Variants in NOM1 observed in about 807,000 individuals in gnomAD.
The protein encoded by NOM1 is nucleolar MIF4G domain-containing protein 1.
A neutral mutation model predicts 73.3 loss-of-function variants in NOM1; 58 were observed. The ratio of observed to expected loss-of-function variants is 0.79; its 90% CI spans 0.64 to 0.99. NOM1 has a LOEUF of 0.99. Ranked by LOEUF, NOM1 falls within the 50% of genes least tolerant of loss-of-function variation. NOM1 has a pLI of 0.00. For synonymous variants in NOM1, 487 were observed against 446.8 expected (o/e 1.09, Z -1.14); for missense variants, 1,226 against 1,131.9 (o/e 1.08, Z -1.19).
intron 3 of NOM1, among the ~76,000 whole-genome samples, chr7:156,958,331 C>T (rs895112515): frequency 2.6e-5 from 4 of 152,204 alleles, no homozygotes; most frequent in African/African-American, 9.7e-5. Context: ...ACAGATCCTT[C>T]AGCTTTTACA....
Position 156,959,963 on chromosome 7 carries a change from A to G in NOM1, c.1421A>G (p.Asn474Ser), listed in dbSNP as rs1415753055. 7 of 1,614,102 alleles carry G rather than the reference A, an allele frequency of 4.3e-6. No individual in the cohort carries two copies. The highest frequency in any genetic ancestry group is 1.3e-5 in the African/African-American group (1 of 75,032). Reference protein sequence around the residue: ...NLFTVIAHLYNFHVVQSLLIF... With the variant: ...NLFTVIAHLYSFHVVQSLLIF... Reference sequence around the variant, plus strand: ...TTCACCGTCATTGCCCATTTATACAACTTCCACGTGGTACAGTCTCTCCTC... The same window carrying G: ...TTCACCGTCATTGCCCATTTATACAGCTTCCACGTGGTACAGTCTCTCCTC... Residue 474 changes from asparagine to serine, a missense_variant, in exon 4 of 11, where the codon AAC becomes AGC. By Grantham distance (46) the Asn-to-Ser change is conservative. Coordinates refer to ENST00000275820, the MANE Select transcript of NOM1 (RefSeq NM_138400.2).
Position 156,969,822 on chromosome 7 carries a change from G to T in NOM1, c.*119G>T. On this transcript the variant is annotated 3_prime_UTR_variant, in exon 11 of 11. Transcript: ENST00000275820. ...TAGAGCTATATCATTGTCTGTTAAT[G>T]TATTATATTTTGAGATTTTTTTTGA... is the stretch of plus-strand genomic sequence containing the variant. 1.0e-6 allele frequency: 1 copy of T among 952,454 alleles called. No homozygotes were observed. Among genetic ancestry groups the T allele is most frequent in the South Asian group, 2.3e-5 (1 of 43,478 alleles). 59.0% of individuals were successfully genotyped at this position (952,454 alleles called of 1,614,324 possible).
At position 156,962,508 on chromosome 7, in the gene NOM1, G is replaced by A. The variant is rs142429805; in HGVS notation, c.1743+247G>A. On this transcript the variant is annotated intron_variant, in intron 5 of 10. Coordinates refer to ENST00000275820, the MANE Select transcript of NOM1 (RefSeq NM_138400.2). ...GCGAGCGTCCTCTTTGCCTCACCCC[G>A]GGTGCTAAACTTGGGCTGCACCATT... is the stretch of plus-strand genomic sequence containing the variant. 2.0e-5 allele frequency among the ~76,000 whole-genome samples: 3 copies of A among 152,152 alleles called. No homozygotes were observed. Among genetic ancestry groups the A allele is most frequent in the Admixed American group, 6.5e-5 (1 of 15,278 alleles).
chr7:156,962,155 G>A lies in NOM1; in HGVS notation c.1637G>A (p.Arg546Gln), dbSNP rs779298282. ...ATTTTTTCATTTTTCTTGAAGATTC[G>A]GTTTATGCTAGAGACGATGTTGGCC... ...GSEFQDQTRIRFMLETMLALK... is the reference protein window; with the variant it reads ...GSEFQDQTRIQFMLETMLALK... The change falls in exon 5 of 11, where the codon CGG becomes CAG. Residue 546 changes from arginine to glutamine, a missense_variant. By Grantham distance (43) the Arg-to-Gln change is conservative. Coordinates refer to ENST00000275820, the MANE Select transcript of NOM1 (RefSeq NM_138400.2). 21 of 1,613,318 alleles carry A rather than the reference G, an allele frequency of 1.3e-5. No individual in the cohort carries two copies. The East Asian group carries it at 1.6e-4, about 12-fold the overall frequency.
rs2134764825 is a variant in NOM1, at chr7:156,950,066, T to C, written c.329T>C (p.Leu110Pro). The change falls in exon 1 of 11, where the codon CTG (leucine) becomes CCG (proline). Residue 110 changes from leucine to proline, a missense_variant. Transcript: ENST00000275820. ...GCGGGCCCCGAACAGGGTCCCGGCC[T>C]GGGAGGCCGAAGCGGAGCCGAAGAA... ...RTAGPEQGPGLGGRSGAEEAS... is the reference protein window; with the variant it reads ...RTAGPEQGPGPGGRSGAEEAS... 1.3e-6 allele frequency: 2 copies of C among 1,543,904 alleles called. No homozygotes were observed.
chr7:156,953,707 A>T (rs185837830), intron 2 of NOM1, among the ~76,000 whole-genome samples: 1 of 152,314 alleles, frequency 6.6e-6, no homozygotes, highest in East Asian at 1.9e-4. Context: ...AGTGTTAGGA[A>T]CTAAGGATTT....
chr7:156,964,520 A>T (rs1240192137), intron 7 of NOM1, among the ~76,000 whole-genome samples: 2 of 152,158 alleles, frequency 1.3e-5, no homozygotes, highest in African/African-American at 2.4e-5. Context: ...AGACAGGAGG[A>T]TCACTTTAGC....
chr7:156,966,838 G>A (rs1805010468), intron 8 of NOM1, 123 bp from the exon 9 acceptor site: 1 of 1,071,448 alleles, frequency 9.3e-7, no homozygotes, highest in African/African-American at 1.6e-5. Flanking sequence ...ACCACTAAAA[G>A]TCTTGATGTT....
chr7:156,969,722 C>G lies in NOM1; in HGVS notation c.*19C>G. 1 of 1,591,216 alleles carries G rather than the reference C, an allele frequency of 6.3e-7. No homozygotes were observed. The highest frequency in any genetic ancestry group is 8.6e-7 in the Non-Finnish European group (1 of 1,167,506). On this transcript the variant is annotated 3_prime_UTR_variant, in exon 11 of 11. Transcript: ENST00000275820. ...AATGTAGTCAGGGAAGGAAGGAGGG[C>G]AGGTGGCCCTTTGACTGTAAAATGT...
chr7:156,966,870 AT>A, intron 8 of NOM1, 90 bp from the exon 9 acceptor site: 1 of 1,336,800 alleles, frequency 7.5e-7, no homozygotes, highest in Non-Finnish European at 1.0e-6. Flanking sequence ...AAATAAGATA[AT>A]AAGAAAATAC....
rs757785654 is a variant in NOM1, at chr7:156,954,319, C to T, written c.1308+21C>T. On this transcript the variant is annotated intron_variant, in intron 3 of 10. Transcript: ENST00000275820. The stretch of plus-strand genomic sequence containing the variant: ...TCGAGGTACAGTTGTACCTTTTCTC[C>T]AGGCTGTCACTAGTGTCTCATGGTG... 4 of 1,555,004 alleles carry T rather than the reference C, an allele frequency of 2.6e-6. No homozygotes were observed. In the South Asian group the frequency reaches 4.8e-5, roughly 19 times the overall value.
At chr7:156,967,446 C>T (rs530341330) in intron 9 of NOM1, among the ~76,000 whole-genome samples, 4 of 152,254 alleles carry the variant, frequency 2.6e-5, no homozygotes, top group South Asian at 2.1e-4. Context: ...AGTTTGCTCA[C>T]GTTGATGTAA....
intron 8 of NOM1, among the ~76,000 whole-genome samples, chr7:156,966,645 G>T (rs1189820807): frequency 6.6e-6 from 1 of 152,210 alleles, no homozygotes; most frequent in Non-Finnish European, 1.5e-5. Context: ...AGGCAGTGTG[G>T]CCAGGCCAGC....
chr7:156,962,268 C>A lies in NOM1; in HGVS notation c.1743+7C>A, dbSNP rs1804884539. Reference sequence around the variant, plus strand: ...GAAACTGCAGAGAGCTTTGGTGAGTCAAGGAACTTTCAATTCTGTTTTGCT... The same window carrying A: ...GAAACTGCAGAGAGCTTTGGTGAGTAAAGGAACTTTCAATTCTGTTTTGCT... On this transcript the variant is annotated splice_region_variant and intron_variant, in intron 5 of 10. Coordinates refer to ENST00000275820, the MANE Select transcript of NOM1 (RefSeq NM_138400.2). The A allele has an allele frequency of 1.2e-6, 2 of 1,604,654 alleles. No homozygotes were observed. Among genetic ancestry groups the A allele is most frequent in the East Asian group, 4.5e-5 (2 of 44,810 alleles).
intron 3 of NOM1, among the ~76,000 whole-genome samples, chr7:156,954,522 CTTTTTTT>C (rs34176770): frequency 2.0e-5 from 2 of 101,660 alleles, no homozygotes; most frequent in Admixed American, 1.1e-4. Flanking sequence ...TCTGTCCATT[CTTTTTTT>C]TTTTTTTTTT....
intron 1 of NOM1, among the ~76,000 whole-genome samples, chr7:156,952,133 G>T (rs943129991): frequency 6.6e-6 from 1 of 152,230 alleles, no homozygotes; most frequent in Non-Finnish European, 1.5e-5. Flanking sequence ...TGTGCCTGCA[G>T]TAAGTTAAGG....
Position 156,949,964 on chromosome 7 carries a change from C to T in NOM1, c.227C>T (p.Pro76Leu), listed in dbSNP as rs1174199236. 3.2e-6 allele frequency: 5 copies of T among 1,540,886 alleles called. No homozygotes were observed. Among genetic ancestry groups the T allele is most frequent in the East Asian group, 2.4e-5 (1 of 40,894 alleles). Residue 76 changes from proline to leucine, a missense_variant, in exon 1 of 11, where the codon CCG becomes CTG. By Grantham distance (98) the Pro-to-Leu change is moderately conservative (BLOSUM62 -3). Transcript: ENST00000275820. ...EGRGAPVSFR[P>L]GGRKSRKELR... Reference sequence around the variant, plus strand: ...CGCGGCGCCCCGGTGAGCTTTCGCCCGGGAGGGAGAAAAAGCCGTAAGGAA... The same window carrying T: ...CGCGGCGCCCCGGTGAGCTTTCGCCTGGGAGGGAGAAAAAGCCGTAAGGAA...
At position 156,971,453 on chromosome 7, in the gene NOM1, TC is replaced by T. The variant is rs1399083623; in HGVS notation, c.*1751del. 6.6e-6 allele frequency: 1 copy of T among 151,680 alleles called. No individual in the cohort carries two copies. Among genetic ancestry groups the T allele is most frequent in the Non-Finnish European group, 1.5e-5 (1 of 67,760 alleles). The allele number at this position is 151,680 out of a possible 1,614,324, so 9.4% of individuals were successfully genotyped here. On this transcript the variant is annotated 3_prime_UTR_variant, in exon 11 of 11. Coordinates refer to ENST00000275820, the MANE Select transcript of NOM1 (RefSeq NM_138400.2). ...CCCAGGCCAGAGTGCAGTGGCACGA[TC>T]ATAGTTACCGCAGCATCAAATTCCT...
rs915010894 is a variant in NOM1 at position 156,970,033 on chromosome 7, A to G, written c.*330A>G. On this transcript the variant is annotated 3_prime_UTR_variant, in exon 11 of 11. Transcript: ENST00000275820. ...CCGAGCGTGATGGCTCACCCCTGTA[A>G]TCCCAGCACTTTGTGAGGCCAAGGT... The G allele has an allele frequency of 1.9e-5, 3 of 158,904 alleles. No individual in the cohort carries two copies. The highest frequency in any genetic ancestry group is 7.2e-5 in the African/African-American group (3 of 41,696). 9.8% of individuals were successfully genotyped at this position (158,904 alleles called of 1,614,324 possible). A position where few individuals can be genotyped will look rare whatever the true frequency, so the allele number is the denominator to read the frequency against.
Sources: allele counts gnomAD v4.1 joint callset (sites outside exome capture counted in the v4.1 genomes callset), GRCh38; gene constraint gnomAD v4.1.1; transcripts MANE v1.5; gene names NCBI Gene and HGNC (gene_info 2026-07-23, HGNC 2026-07-21).